RFX2: variants seen among roughly 807,000 people sequenced by gnomAD.
The protein encoded by RFX2 is DNA-binding protein RFX2.
In RFX2, 20 loss-of-function variants were observed where a neutral mutation model predicts 87.8. The ratio of observed to expected loss-of-function variants is 0.23; its 90% confidence interval spans 0.16 to 0.33. The LOEUF (loss-of-function observed/expected upper bound fraction) is 0.33. Among genes scored for constraint, RFX2 ranks in the 10% least tolerant of loss-of-function variants. RFX2 has a pLI of 1.00. For missense variants in RFX2, 767 were observed against 1,012.3 expected, an observed-to-expected ratio of 0.76 and a Z score of 3.29; for synonymous variants, 397 against 431.3, an observed-to-expected ratio of 0.92 and a Z score of 0.98.
intron 5 of RFX2, among the ~76,000 whole-genome samples, chr19:6,028,005 G>A (rs1231586140): frequency 3.3e-5 from 5 of 152,004 alleles, no homozygotes; most frequent in South Asian, 2.1e-4. Flanking sequence ...CAAGTGATCC[G>A]CCCACCTCGG....
chr19:6,100,111 G>A (rs1231083000), intron 1 of RFX2, among the ~76,000 whole-genome samples: 1 of 152,174 alleles, frequency 6.6e-6, no homozygotes, highest in Admixed American at 6.5e-5. Flanking sequence ...ATTAAAGAAG[G>A]GTCTTGAGGG....
At position 5,994,303 on chromosome 19, in the gene RFX2, G is replaced by C. The variant is rs1036276529; in HGVS notation, c.*532C>G. ...GGGTCCCTCCCACATGGTGCTACCAGACAAGGGCACTCCACTTTCCATTCC... is the reference window on the plus strand; with the variant it reads ...GGGTCCCTCCCACATGGTGCTACCACACAAGGGCACTCCACTTTCCATTCC... On this transcript the variant is annotated 3_prime_UTR_variant, in exon 18 of 18. Coordinates refer to ENST00000303657, the MANE Select transcript of RFX2 (RefSeq NM_000635.4). The C allele has an allele frequency of 6.5e-6, 1 of 152,906 alleles. No individual in the cohort carries two copies. Among genetic ancestry groups the C allele is most frequent in the African/African-American group, 2.4e-5 (1 of 41,478 alleles). 9.5% of individuals were successfully genotyped at this position (152,906 alleles called of 1,614,324 possible). A position where few individuals can be genotyped will look rare whatever the true frequency, so the allele number is the denominator to read the frequency against.
chr19:6,038,594 A>G (rs376685901), intron 5 of RFX2, among the ~76,000 whole-genome samples: 3 of 152,136 alleles, frequency 2.0e-5, no homozygotes, highest in African/African-American at 7.2e-5. Flanking sequence ...ATCTGACAGG[A>G]GACTTGTATC....
At chr19:6,003,499 G>A (rs1406475386) in intron 13 of RFX2, among the ~76,000 whole-genome samples, 2 of 152,156 alleles carry the variant, frequency 1.3e-5, no homozygotes, top group Non-Finnish European at 2.9e-5. Context: ...CATGATGGCT[G>A]GGTGAGGTGG....
At chr19:6,107,150 G>C (rs2088229154) in intron 1 of RFX2, among the ~76,000 whole-genome samples, 1 of 152,030 alleles carries the variant, frequency 6.6e-6, no homozygotes, top group Non-Finnish European at 1.5e-5. Context: ...CGAAAAATTA[G>C]CCGGGCGTGG....
At chr19:6,067,634 T>C (rs937959194) in intron 1 of RFX2, among the ~76,000 whole-genome samples, 1 of 152,182 alleles carries the variant, frequency 6.6e-6, no homozygotes, top group Non-Finnish European at 1.5e-5. Context: ...AGGCTGAGCA[T>C]GGCTTCTCTG....
intron 1 of RFX2, among the ~76,000 whole-genome samples, chr19:6,070,543 G>A (rs2087592485): frequency 6.6e-6 from 1 of 152,016 alleles, no homozygotes; most frequent in Non-Finnish European, 1.5e-5. Context: ...GATGACCTAG[G>A]TCCACAGACC....
intron 6 of RFX2, among the ~76,000 whole-genome samples, chr19:6,018,252 G>A (rs898524228): frequency 6.6e-6 from 1 of 152,234 alleles, no homozygotes; most frequent in African/African-American, 2.4e-5. Flanking sequence ...TTACAGGCGT[G>A]AGCCACCGCG....
chr19:6,044,225 A>T lies in RFX2; in HGVS notation c.148T>A (p.Ser50Thr). ...GGTACCTGCTGAACTCTGGGGAGGG[A>T]GATCGGCTGCATCTGGGCCCCTTTG... The part of the protein sequence containing the change: ...NPKGAQMQPI[S>T]LPRVQQVPQQ... Residue 50 changes from serine to threonine, a missense_variant, in exon 3 of 18, where the codon TCC (serine) becomes ACC (threonine). Coordinates refer to ENST00000303657, the MANE Select transcript of RFX2 (RefSeq NM_000635.4). The surrounding 1 kb of genome is among the most constrained non-coding windows in gnomAD (Gnocchi z 5.3). 6.3e-7 allele frequency: 1 copy of T among 1,578,888 alleles called. No individual in the cohort carries two copies.
At chr19:5,995,033 T>C in intron 17 of RFX2, 83 bp from the exon 18 acceptor site, 3 of 1,095,092 alleles carry the variant, frequency 2.7e-6, no homozygotes, top group Non-Finnish European at 4.0e-6. Flanking sequence ...CGAGAACTGC[T>C]CCGGCACGCC....
intron 1 of RFX2, chr19:6,068,243 A>G (rs1175562023): frequency 1.3e-5 from 2 of 152,154 alleles, no homozygotes; most frequent in African/African-American, 2.4e-5. Context: ...TCCAAACCCC[A>G]TGTCCAGAAG....
chr19:6,105,067 G>T (rs888188599), intron 1 of RFX2, among the ~76,000 whole-genome samples: 3 of 149,292 alleles, frequency 2.0e-5, no homozygotes, highest in African/African-American at 7.4e-5. Context: ...GCAGTGAGCC[G>T]AGATTGCACC....
At position 6,007,861 on chromosome 19, in the gene RFX2, C is replaced by T. The variant is rs1166172502; in HGVS notation, c.1135-59G>A. On this transcript the variant is annotated intron_variant, in intron 10 of 17. Transcript: ENST00000303657. The surrounding 1 kb of genome is among the most constrained non-coding windows in gnomAD (Gnocchi z 8.2). The stretch of plus-strand genomic sequence containing the variant: ...GCGTGCGCCCATCACGTGCACTCAG[C>T]ACACGTCAAGTGAGCAGCCGTGATC... 8.3e-7 allele frequency: 1 copy of T among 1,205,352 alleles called. No individual in the cohort carries two copies. Among genetic ancestry groups the T allele is most frequent in the Non-Finnish European group, 1.2e-6 (1 of 831,794 alleles). 74.7% of individuals were successfully genotyped at this position (1,205,352 alleles called of 1,614,324 possible). A position where few individuals can be genotyped will look rare whatever the true frequency, so the allele number is the denominator to read the frequency against.
intron 4 of RFX2, among the ~76,000 whole-genome samples, chr19:6,041,368 A>G (rs2087103368): frequency 6.6e-6 from 1 of 152,200 alleles, no homozygotes; most frequent in Admixed American, 6.5e-5. Flanking sequence ...ACAGACAAGC[A>G]GGCGAAAGGA....
At chr19:6,085,386 C>T (rs1296885164) in intron 1 of RFX2, among the ~76,000 whole-genome samples, 4 of 152,210 alleles carry the variant, frequency 2.6e-5, no homozygotes, top group Admixed American at 2.6e-4. Context: ...GTATGAAGCA[C>T]CTTTCCAACT....
chr19:6,028,325 T>C (rs2086915783), intron 5 of RFX2, among the ~76,000 whole-genome samples: 1 of 152,310 alleles, frequency 6.6e-6, no homozygotes, highest in Non-Finnish European at 1.5e-5. Context: ...CCATCTGTTA[T>C]TGTATACTGT....
At position 6,010,220 on chromosome 19, in the gene RFX2, C is replaced by A; in HGVS notation, c.931G>T (p.Gly311Trp). Residue 311 changes from glycine (G) to tryptophan (W), a missense_variant, in exon 9 of 18, where the codon GGG becomes TGG. Coordinates refer to ENST00000303657, the MANE Select transcript of RFX2 (RefSeq NM_000635.4). This position sits in a 1 kb window ranked among gnomAD's most constrained non-coding sequence, Gnocchi z 5.0. Reference sequence around the variant, plus strand: ...AGGCCGCTGTGGGAGCCGCTGTCCCCGAGGCTGTCCGTCTTCTGGGCTGGC... The same window carrying A: ...AGGCCGCTGTGGGAGCCGCTGTCCCAGAGGCTGTCCGTCTTCTGGGCTGGC... ...YRPAQKTDSL[G>W]DSGSHSGLHS... 1 of 1,547,992 alleles carries A rather than the reference C, an allele frequency of 6.5e-7. No individual in the cohort carries two copies. The highest frequency in any genetic ancestry group is 2.0e-5 in the Admixed American group (1 of 51,008).
chr19:6,010,069 G>T lies in RFX2; in HGVS notation c.1015+67C>A, dbSNP rs1599847783. On this transcript the variant is annotated intron_variant, in intron 9 of 17. Coordinates refer to ENST00000303657, the MANE Select transcript of RFX2 (RefSeq NM_000635.4). The surrounding 1 kb of genome is among the most constrained non-coding windows in gnomAD (Gnocchi z 5.0). Reference sequence around the variant, plus strand: ...CGCTTAGACACCACTGGTTCTGCTGGTGTTGAAACCCAGGAGTGTGGCGAG... The same window carrying T: ...CGCTTAGACACCACTGGTTCTGCTGTTGTTGAAACCCAGGAGTGTGGCGAG... The T allele has an allele frequency of 2.1e-6, 2 of 938,846 alleles. No individual in the cohort carries two copies. The highest frequency in any genetic ancestry group is 3.3e-6 in the Non-Finnish European group (2 of 611,362). 58.2% of individuals were successfully genotyped at this position (938,846 alleles called of 1,614,324 possible). A position where few individuals can be genotyped will look rare whatever the true frequency, so the allele number is the denominator to read the frequency against.
rs771570676 is a variant in RFX2 at position 6,056,297 on chromosome 19, G to A, written c.-8-8793C>T. Among the ~76,000 whole-genome samples the A allele has an allele frequency of 1.3e-5, 2 of 152,182 alleles. No homozygotes were observed. The highest frequency in any genetic ancestry group is 2.9e-5 in the Non-Finnish European group (2 of 68,030). Reference sequence around the variant, plus strand: ...ACCCTGACACCCTGTAGAGGGTGGTGGCTTCATAAGTTTCATTGCATTGTG... The same window carrying A: ...ACCCTGACACCCTGTAGAGGGTGGTAGCTTCATAAGTTTCATTGCATTGTG... On this transcript the variant is annotated intron_variant, in intron 1 of 17. Transcript: ENST00000303657. This position sits in a 1 kb window ranked among gnomAD's most constrained non-coding sequence, Gnocchi z 4.6.
Sources: allele counts gnomAD v4.1 joint callset (sites outside exome capture counted in the v4.1 genomes callset), GRCh38; gene constraint gnomAD v4.1.1; non-coding constraint Gnocchi (gnomAD v3.1); transcripts MANE v1.5; gene names NCBI Gene and HGNC (gene_info 2026-07-23, HGNC 2026-07-21).